Variants in SOX5 observed in about 807,000 individuals in gnomAD.
The protein encoded by SOX5 is SRY-box transcription factor 5.
Under a neutral mutation model 92.0 loss-of-function variants are expected in SOX5, and 9 were observed. The ratio of observed to expected loss-of-function variants is 0.10; its 90% CI spans 0.06 to 0.17. The LOEUF (loss-of-function observed/expected upper bound fraction) is 0.17. Among genes scored for constraint, SOX5 ranks in the 10% least tolerant of loss-of-function variants. SOX5 has a pLI of 1.00. For missense variants in SOX5, 642 were observed against 944.5 expected, an observed-to-expected ratio of 0.68 and a Z score of 4.20; for synonymous variants, 344 against 336.3, an observed-to-expected ratio of 1.02 and a Z score of -0.25.
At chr12:24,383,729 G>A (rs1209470682) in intron 1 of SOX5, among the ~76,000 whole-genome samples, 1 of 152,158 alleles carries the variant, frequency 6.6e-6, no homozygotes, top group Non-Finnish European at 1.5e-5. Flanking sequence ...CCAGGGACAG[G>A]TTCTGTAGAA....
intron 4 of SOX5, among the ~76,000 whole-genome samples, chr12:23,988,475 G>A (rs10505922): frequency 0.023 from 3,432 of 152,200 alleles, 58 homozygotes; most frequent in Middle Eastern, 0.051. Context: ...TTTTGTATTC[G>A]CTTCTTTGGA....
At chr12:23,871,534 G>A (rs1466180061) in intron 2 of SOX5, among the ~76,000 whole-genome samples, 1 of 152,070 alleles carries the variant, frequency 6.6e-6, no homozygotes, top group African/African-American at 2.4e-5. Context: ...ACATATAAAA[G>A]ACAACTTTGT....
At chr12:24,445,664 A>G (rs1441507701) in intron 1 of SOX5, among the ~76,000 whole-genome samples, 2 of 152,224 alleles carry the variant, frequency 1.3e-5, no homozygotes, top group African/African-American at 2.4e-5. Flanking sequence ...TGTAACAGTC[A>G]TATTCATAGA....
intron 1 of SOX5, among the ~76,000 whole-genome samples, chr12:24,530,154 A>G (rs183423122): frequency 1.2e-4 from 19 of 152,328 alleles, no homozygotes; most frequent in Middle Eastern, 3.4e-3. Flanking sequence ...TCTACATTTC[A>G]TCAACACAAG....
intron 1 of SOX5, among the ~76,000 whole-genome samples, chr12:24,479,297 T>G (rs762806218): frequency 7.2e-5 from 11 of 152,228 alleles, no homozygotes; most frequent in Non-Finnish European, 1.5e-4. Flanking sequence ...CTTATCTCTC[T>G]TATTGTATGT....
intron 4 of SOX5, among the ~76,000 whole-genome samples, chr12:24,070,226 C>T (rs1164342611): frequency 6.6e-6 from 1 of 152,168 alleles, no homozygotes; most frequent in Non-Finnish European, 1.5e-5. Flanking sequence ...TCCGCTCCCT[C>T]CCCCTCCATT....
At chr12:24,061,386 C>A (rs1474076562) in intron 4 of SOX5, among the ~76,000 whole-genome samples, 2 of 151,506 alleles carry the variant, frequency 1.3e-5, no homozygotes, top group Admixed American at 1.3e-4. Context: ...CACACCAAAC[C>A]ATCCATTATT....
intron 7 of SOX5, among the ~76,000 whole-genome samples, chr12:23,651,343 C>T (rs896359377): frequency 3.3e-5 from 5 of 152,060 alleles, no homozygotes; most frequent in African/African-American, 9.6e-5. Context: ...GATTATCCCA[C>T]GGTTAATCAT....
chr12:24,418,363 C>T (rs1397837759), intron 1 of SOX5, among the ~76,000 whole-genome samples: 5 of 152,186 alleles, frequency 3.3e-5, no homozygotes, highest in African/African-American at 7.2e-5. Context: ...GTTGTAAATC[C>T]AGGCCTAAGC....
At chr12:24,352,053 G>T (rs2141174861) in intron 2 of SOX5, among the ~76,000 whole-genome samples, 1 of 152,334 alleles carries the variant, frequency 6.6e-6, no homozygotes, top group Non-Finnish European at 1.5e-5. Flanking sequence ...TAAGTATCTT[G>T]AAAGCAAAGA....
intron 11 of SOX5, among the ~76,000 whole-genome samples, chr12:23,555,316 T>C (rs1425490671): frequency 6.6e-6 from 1 of 152,082 alleles, no homozygotes; most frequent in East Asian, 1.9e-4. Flanking sequence ...GAGAGGCCTG[T>C]GGGTGTCTCT....
At chr12:23,935,340 C>A (rs1942305547) in intron 1 of SOX5, among the ~76,000 whole-genome samples, 1 of 151,186 alleles carries the variant, frequency 6.6e-6, no homozygotes, top group Non-Finnish European at 1.5e-5. Flanking sequence ...TTTTCTAAAT[C>A]AATATCCCCA....
intron 6 of SOX5, among the ~76,000 whole-genome samples, chr12:23,722,064 T>C (rs2092849009): frequency 6.6e-6 from 1 of 152,132 alleles, no homozygotes; most frequent in South Asian, 2.1e-4. Flanking sequence ...ACAGACAAAA[T>C]ATTTTGAAAC....
intron 8 of SOX5, among the ~76,000 whole-genome samples, chr12:23,625,890 A>T (rs1008892383): frequency 6.6e-6 from 1 of 152,198 alleles, no homozygotes; most frequent in African/African-American, 2.4e-5. Flanking sequence ...TACAGGCATG[A>T]GCCACCGCGC....
At chr12:24,159,678 T>C (rs1241311006) in intron 4 of SOX5, among the ~76,000 whole-genome samples, 1 of 152,010 alleles carries the variant, frequency 6.6e-6, no homozygotes, top group East Asian at 1.9e-4. Flanking sequence ...AATTCATCTA[T>C]CAGCTCATTT....
intron 1 of SOX5, among the ~76,000 whole-genome samples, chr12:24,461,562 T>A (rs1030404198): frequency 1.3e-5 from 2 of 152,220 alleles, no homozygotes; most frequent in African/African-American, 2.4e-5. Context: ...ACAACATTGT[T>A]ACCTGAAGAT....
In SOX5 at chr12:24,411,630, C is replaced by T. The variant is rs1373485290; in HGVS notation, c.-250-42991G>A. Among the ~76,000 whole-genome samples the T allele has an allele frequency of 2.0e-5, 3 of 152,122 alleles. No homozygotes were observed. In the South Asian group the frequency reaches 6.2e-4, roughly 32 times the overall value. On this transcript the variant is annotated intron_variant, in intron 1 of 4. Transcript: ENST00000446891. ...CACTGATGGTTTTTCATATACTGAGCCAGCCTTGAATCCCTTGAAATAAAC... is the reference window on the plus strand; with the variant it reads ...CACTGATGGTTTTTCATATACTGAGTCAGCCTTGAATCCCTTGAAATAAAC...
intron 2 of SOX5, among the ~76,000 whole-genome samples, chr12:24,310,208 C>T (rs527806563): frequency 6.6e-6 from 1 of 152,148 alleles, no homozygotes; most frequent in Non-Finnish European, 1.5e-5. Context: ...GTGGTAATCT[C>T]TACTTGTGTC....
At chr12:23,790,554 A>T (rs1157505053) in intron 3 of SOX5, among the ~76,000 whole-genome samples, 238 of 150,586 alleles carry the variant, frequency 1.6e-3, no homozygotes, top group Non-Finnish European at 2.4e-3. Flanking sequence ...TCTCTCACAC[A>T]CACACACACA....
Sources: gnomAD v4.1 joint callset for allele counts (sites outside exome capture counted in the v4.1 genomes callset) on GRCh38, gnomAD v4.1.1 for gene constraint, MANE v1.5 for transcripts, NCBI Gene and HGNC (gene_info 2026-07-23, HGNC 2026-07-21) for gene names.